NRIP1: variants seen among roughly 807,000 people sequenced by gnomAD.
The protein encoded by NRIP1 is nuclear receptor-interacting protein 1.
A neutral mutation model predicts 75.0 loss-of-function variants in NRIP1; 28 were observed. That is an observed-to-expected ratio of 0.37 (90% CI 0.28 to 0.51). NRIP1 has a LOEUF of 0.51. NRIP1 is among the 20% of genes least tolerant of loss of function. The pLI is 0.92. For synonymous variants in NRIP1, 526 were observed against 487.6 expected, an observed-to-expected ratio of 1.08 and a Z score of -1.04; for missense variants, 1,435 against 1,343.7, an observed-to-expected ratio of 1.07 and a Z score of -1.06.
At position 14,975,546 on chromosome 21, in the gene NRIP1, G is replaced by T. The variant is rs145018964; in HGVS notation, c.-334-7020C>A. Among the ~76,000 whole-genome samples the T allele has an allele frequency of 2.9e-3, 437 of 150,240 alleles. 3 individuals carry two copies. Among genetic ancestry groups the T allele is most frequent in the African/African-American group, 0.01 (418 of 40,904 alleles). On this transcript the variant is annotated intron_variant, in intron 3 of 3. Transcript: ENST00000318948. ...GTGGGAGGATCACTGGAGCCCAGGA[G>T]TTTGAGGTTACAGTGAGCTATGACT...
chr21:15,014,888 C>A (rs1488521645), intron 2 of NRIP1, among the ~76,000 whole-genome samples: 2 of 148,590 alleles, frequency 1.3e-5, no homozygotes, highest in African/African-American at 2.5e-5. Flanking sequence ...TTTCAAAATA[C>A]CAAGTATGTA....
rs71183452 is a variant in NRIP1 at position 14,975,626 on chromosome 21, TAAA to T, written c.-334-7103_-334-7101del. ...GTGACAGAATAAGACACTATTTCTTTAAAAAAAAAAAAAAAAAAGGAAGGAAGG... is the reference window on the plus strand; with the variant it reads ...GTGACAGAATAAGACACTATTTCTTTAAAAAAAAAAAAAAAGGAAGGAAGG... On this transcript the variant is annotated intron_variant, in intron 3 of 3. Coordinates refer to ENST00000318948, the MANE Select transcript of NRIP1 (RefSeq NM_003489.4). Among the ~76,000 whole-genome samples, 196 of 107,516 alleles carry T rather than the reference TAAA, an allele frequency of 1.8e-3. 2 individuals carry two copies. The highest frequency in any genetic ancestry group is 0.013 in the Middle Eastern group (3 of 226). The allele number at this position is 107,516 out of a possible 152,430, so 70.5% of individuals were successfully genotyped here. A position where few individuals can be genotyped will look rare whatever the true frequency, so the allele number is the denominator to read the frequency against.
At chr21:15,038,866 C>A (rs1484584409) in intron 2 of NRIP1, among the ~76,000 whole-genome samples, 3 of 152,070 alleles carry the variant, frequency 2.0e-5, no homozygotes, top group Non-Finnish European at 4.4e-5. Flanking sequence ...AGATGCTCAG[C>A]CTCAGACTAG....
At chr21:15,019,378 C>T (rs1396090263) in intron 2 of NRIP1, among the ~76,000 whole-genome samples, 2 of 145,382 alleles carry the variant, frequency 1.4e-5, no homozygotes, top group African/African-American at 5.1e-5. Context: ...TCTTGCTTGC[C>T]AATAACTCTA....
In NRIP1 at chr21:14,982,719, GTT is replaced by G. The variant is rs10537533; in HGVS notation, c.-334-14195_-334-14194del. Reference sequence around the variant, plus strand: ...TGGGGTTTTTTTTTGTTTTTTTTTTGTTTTTTTTTTTTACAATCTAAGGATTT... The same window carrying G: ...TGGGGTTTTTTTTTGTTTTTTTTTTGTTTTTTTTTTACAATCTAAGGATTT... On this transcript the variant is annotated intron_variant, in intron 3 of 3. Coordinates refer to ENST00000318948, the MANE Select transcript of NRIP1 (RefSeq NM_003489.4). Among the ~76,000 whole-genome samples, 2,483 of 130,028 alleles carry G rather than the reference GTT, an allele frequency of 0.019. 226 individuals carry two copies. In the East Asian group the frequency reaches 0.28, roughly 15 times the overall value. 85.3% of individuals were successfully genotyped at this position (130,028 alleles called of 152,430 possible). A position where few individuals can be genotyped will look rare whatever the true frequency, so the allele number is the denominator to read the frequency against.
Position 14,964,091 on chromosome 21 carries a change from A to T in NRIP1, c.*625T>A, listed in dbSNP as rs2086658185. 6.6e-6 allele frequency: 1 copy of T among 152,570 alleles called. No individual in the cohort carries two copies. Among genetic ancestry groups the T allele is most frequent in the Non-Finnish European group, 1.5e-5 (1 of 68,002 alleles). 9.5% of individuals were successfully genotyped at this position (152,570 alleles called of 1,614,324 possible). ...TTTTACTAAGTAGCACAAGGTTTAA[A>T]GAAATATATATTGAAAAGGATCAGG... On this transcript the variant is annotated 3_prime_UTR_variant, in exon 4 of 4. Transcript: ENST00000318948.
chr21:15,063,493 A>G (rs1485055418), intron 1 of NRIP1, among the ~76,000 whole-genome samples: 1 of 152,270 alleles, frequency 6.6e-6, no homozygotes, highest in Non-Finnish European at 1.5e-5. Context: ...TTCACTAATA[A>G]GCAGGTTCAA....
chr21:15,013,329 T>C (rs2088154393), intron 3 of NRIP1, among the ~76,000 whole-genome samples: 1 of 152,366 alleles, frequency 6.6e-6, no homozygotes, highest in Middle Eastern at 3.4e-3. Context: ...CTAGGTTTTC[T>C]GAACATTATC....
rs1600845559 is a variant in NRIP1 at position 14,994,139 on chromosome 21, G to A, written c.-335+20205C>T. On this transcript the variant is annotated intron_variant, in intron 3 of 3. Transcript: ENST00000318948. The stretch of plus-strand genomic sequence containing the variant: ...AAGATTTTTTTGGGGGTGGGGTGGG[G>A]GCGCAGACTGAGTCTTGCTCTATCG... Among the ~76,000 whole-genome samples, 4 of 151,840 alleles carry A rather than the reference G, an allele frequency of 2.6e-5. No individual in the cohort carries two copies. In the South Asian group the frequency reaches 8.3e-4, roughly 32 times the overall value.
At chr21:15,042,188 T>C (rs185755097) in intron 2 of NRIP1, among the ~76,000 whole-genome samples, 70 of 152,314 alleles carry the variant, frequency 4.6e-4, no homozygotes, top group Middle Eastern at 3.4e-3. Flanking sequence ...ATTCAGCTAA[T>C]AAAGTTACAT....
rs779250123 is a variant in NRIP1 at position 14,967,162 on chromosome 21, G to A, written c.1031C>T (p.Thr344Ile). The change falls in exon 4 of 4, where the codon ACA becomes ATA. Residue 344 changes from threonine to isoleucine, a missense_variant. Transcript: ENST00000318948. Reference sequence around the variant, plus strand: ...GATACCCATTGGATTTTGAAACACTGTAGCACTACTTTTGCTAGCCATCAG... The same window carrying A: ...GATACCCATTGGATTTTGAAACACTATAGCACTACTTTTGCTAGCCATCAG... ...SKLMASKSSA[T>I]VFQNPMGIIP... 3.1e-6 allele frequency: 5 copies of A among 1,614,090 alleles called. No homozygotes were observed. In the South Asian group the frequency reaches 5.5e-5, roughly 18 times the overall value.
chr21:15,015,854 T>C (rs2088214712), intron 2 of NRIP1, among the ~76,000 whole-genome samples: 1 of 152,186 alleles, frequency 6.6e-6, no homozygotes, highest in African/African-American at 2.4e-5. Context: ...AGTAAATACA[T>C]ACATATTATT....
At chr21:15,032,161 AG>A (rs1203822806) in intron 2 of NRIP1, among the ~76,000 whole-genome samples, 2 of 152,244 alleles carry the variant, frequency 1.3e-5, no homozygotes, top group African/African-American at 4.8e-5. Context: ...TTTGAGTCAA[AG>A]GGTTTTGATT....
At chr21:14,986,455 A>C (rs1475599083) in intron 3 of NRIP1, among the ~76,000 whole-genome samples, 4 of 152,204 alleles carry the variant, frequency 2.6e-5, no homozygotes, top group African/African-American at 9.6e-5. Context: ...AAATCAAGAC[A>C]AATCACTCCT....
chr21:14,971,182 G>C (rs1347960361), intron 3 of NRIP1, among the ~76,000 whole-genome samples: 1 of 152,156 alleles, frequency 6.6e-6, no homozygotes, highest in Middle Eastern at 3.2e-3. Context: ...TGGGTCTGAG[G>C]ACTGTGCTAA....
intron 1 of NRIP1, among the ~76,000 whole-genome samples, chr21:15,054,472 A>G (rs2089266040): frequency 6.6e-6 from 1 of 152,224 alleles, no homozygotes; most frequent in African/African-American, 2.4e-5. Context: ...AAATTATTTC[A>G]AGTACCAATT....
upstream of NRIP1, among the ~76,000 whole-genome samples, chr21:15,065,438 G>A (rs1978806640): frequency 6.6e-6 from 1 of 152,088 alleles, no homozygotes; most frequent in Non-Finnish European, 1.5e-5. Context: ...GACCCAGGCC[G>A]AATGCTCCCG....
chr21:15,036,260 T>C (rs532355184), intron 2 of NRIP1, among the ~76,000 whole-genome samples: 1 of 152,334 alleles, frequency 6.6e-6, no homozygotes, highest in East Asian at 1.9e-4. Context: ...CCAATAAAGT[T>C]AACTTCCCAA....
rs201136839 is a variant in NRIP1 at position 15,022,512 on chromosome 21, C to T, written c.-457-8046G>A. On this transcript the variant is annotated intron_variant, in intron 2 of 3. Coordinates refer to ENST00000318948, the MANE Select transcript of NRIP1 (RefSeq NM_003489.4). Reference sequence around the variant, plus strand: ...TATGTTTACCTATGTAAAAAACTTGCGCATCCTGCACATGTACCCCAGAAC... The same window carrying T: ...TATGTTTACCTATGTAAAAAACTTGTGCATCCTGCACATGTACCCCAGAAC... Among the ~76,000 whole-genome samples, 84 of 152,200 alleles carry T rather than the reference C, an allele frequency of 5.5e-4. 3 individuals are homozygous for T. In the South Asian group the frequency reaches 0.014, roughly 25 times the overall value.
Sources: allele counts gnomAD v4.1 joint callset (sites outside exome capture counted in the v4.1 genomes callset), GRCh38; gene constraint gnomAD v4.1.1; transcripts MANE v1.5; gene names NCBI Gene and HGNC (gene_info 2026-07-23, HGNC 2026-07-21).